GPHN: variants seen among roughly 807,000 people sequenced by gnomAD.
GPHN encodes gephyrin.
In GPHN, 17 loss-of-function variants were observed where a neutral mutation model predicts 95.5. The observed-to-expected ratio is 0.18, with a 90% CI of 0.12 to 0.27. The LOEUF is 0.27. GPHN is among the 10% of genes least tolerant of loss of function. The pLI is 1.00. For synonymous variants in GPHN, 320 were observed against 322.5 expected (o/e 0.99, Z 0.08); for missense variants, 660 against 978.1 (o/e 0.67, Z 4.34).
the GPHN span, among the ~76,000 whole-genome samples, chr14:67,526,057 T>A: frequency 6.6e-6 from 1 of 152,250 alleles, no homozygotes; most frequent in Admixed American, 6.5e-5. Flanking sequence ...GACCTGTCTG[T>A]CAGCTCTACC....
At chr14:66,955,041 A>G (rs749701784) in intron 8 of GPHN, among the ~76,000 whole-genome samples, 4 of 152,154 alleles carry the variant, frequency 2.6e-5, no homozygotes, top group East Asian at 1.9e-4. Flanking sequence ...ACTTGCATCT[A>G]TATTTATAAA....
At chr14:67,383,867 G>T in the GPHN span, 1 of 227,158 alleles carries the variant, frequency 4.4e-6, no homozygotes, top group South Asian at 5.9e-5. Flanking sequence ...TTAACTATAG[G>T]CTTCTTCCTT....
chr14:67,375,909 T>C, the GPHN span, among the ~76,000 whole-genome samples: 2 of 152,232 alleles, frequency 1.3e-5, no homozygotes, highest in Non-Finnish European at 2.9e-5. Context: ...GATGTTAAAA[T>C]GGAAGAGTTA....
the GPHN span, among the ~76,000 whole-genome samples, chr14:67,225,969 G>GCA: frequency 6.8e-6 from 1 of 147,146 alleles, no homozygotes; most frequent in Non-Finnish European, 1.5e-5. Flanking sequence ...GTGTGCGCGC[G>GCA]CGCGCGTGCG....
At chr14:67,433,853 G>T in the GPHN span, among the ~76,000 whole-genome samples, 2 of 152,180 alleles carry the variant, frequency 1.3e-5, no homozygotes, top group Non-Finnish European at 1.5e-5. Context: ...GTCTAAGTGG[G>T]TCATAAAAAG....
At chr14:67,316,632 G>A in the GPHN span, among the ~76,000 whole-genome samples, 1 of 151,872 alleles carries the variant, frequency 6.6e-6, no homozygotes, top group Non-Finnish European at 1.5e-5. Flanking sequence ...AATACATATG[G>A]GATTGATTGA....
intron 5 of GPHN, among the ~76,000 whole-genome samples, chr14:66,885,837 T>TAAA (rs1421887904): frequency 5.8e-5 from 7 of 121,492 alleles, no homozygotes; most frequent in Non-Finnish European, 9.5e-5. Context: ...TTATAACAAT[T>TAAA]TAAAAAAAAA....
At chr14:66,677,343 G>T (rs769154392) in intron 1 of GPHN, among the ~76,000 whole-genome samples, 11 of 151,942 alleles carry the variant, frequency 7.2e-5, no homozygotes, top group Non-Finnish European at 1.0e-4. Flanking sequence ...TTCTTGAGGT[G>T]CTTTGTCAGA....
the GPHN span, chr14:67,573,340 G>A: frequency 5.6e-6 from 9 of 1,613,640 alleles, no homozygotes; most frequent in South Asian, 2.2e-5. The surrounding 1 kb of genome is among the most constrained non-coding windows in gnomAD (Gnocchi z 4.8). Context: ...TGGAAGAGGC[G>A]CTGGTTTGTC....
chr14:67,365,054 G>A, the GPHN span: 3 of 1,500,894 alleles, frequency 2.0e-6, no homozygotes, highest in Non-Finnish European at 2.7e-6. Context: ...ATTTAAAATG[G>A]TTTATTTAAA....
chr14:67,368,500 A>G, the GPHN span, among the ~76,000 whole-genome samples: 6 of 152,130 alleles, frequency 3.9e-5, no homozygotes, highest in Admixed American at 2.0e-4. Context: ...TTAATAATAA[A>G]ATATATAGTT....
intron 10 of GPHN, among the ~76,000 whole-genome samples, chr14:67,045,934 A>G (rs1039538604): frequency 6.6e-6 from 1 of 152,126 alleles, no homozygotes; most frequent in African/African-American, 2.4e-5. Context: ...GATTTGATCT[A>G]CATACAGAAT....
chr14:67,141,290 T>G lies in GPHN; in HGVS notation c.1749-2072T>G, dbSNP rs569493606. Among the ~76,000 whole-genome samples the G allele has an allele frequency of 9.8e-5, 15 of 152,320 alleles. No homozygotes were observed. The East Asian group carries it at 2.5e-3, about 25-fold the overall frequency. On this transcript the variant is annotated intron_variant, in intron 17 of 22. Transcript: ENST00000478722. ...GTTGGAACCAGGCCTACCTTGCCAT[T>G]TGGACCTTTCATATTTAGCTCTGTG...
chr14:67,116,552 A>G (rs944298424), intron 16 of GPHN, among the ~76,000 whole-genome samples: 1 of 152,150 alleles, frequency 6.6e-6, no homozygotes, highest in African/African-American at 2.4e-5. Context: ...AAACTCATTC[A>G]TAATCCAAAA....
rs1432142203 is a variant in GPHN at position 66,696,411 on chromosome 14, C to T, written c.143+15226C>T. 3.9e-5 allele frequency among the ~76,000 whole-genome samples: 6 copies of T among 152,294 alleles called. No homozygotes were observed. The South Asian group carries it at 1.2e-3, about 32-fold the overall frequency. Reference sequence around the variant, plus strand: ...GGTCTATTCCTCATGCTAAGTACAACTGAAAGTCCTAAGAAATAATGTGGT... The same window carrying T: ...GGTCTATTCCTCATGCTAAGTACAATTGAAAGTCCTAAGAAATAATGTGGT... On this transcript the variant is annotated intron_variant, in intron 2 of 22. Coordinates refer to ENST00000478722, the MANE Select transcript of GPHN (RefSeq NM_020806.5).
At chr14:66,772,244 A>C (rs2059207743) in intron 2 of GPHN, among the ~76,000 whole-genome samples, 1 of 152,154 alleles carries the variant, frequency 6.6e-6, no homozygotes. Context: ...GAAATTATTT[A>C]CTTTCTCCAT....
intron 9 of GPHN, among the ~76,000 whole-genome samples, chr14:66,989,770 T>G (rs1237012432): frequency 6.6e-6 from 1 of 152,126 alleles, no homozygotes; most frequent in African/African-American, 2.4e-5. Context: ...CTCCTTACCC[T>G]TTAATTCCTA....
chr14:67,253,425 A>G, the GPHN span, among the ~76,000 whole-genome samples: 4 of 152,248 alleles, frequency 2.6e-5, no homozygotes, highest in African/African-American at 4.8e-5. Flanking sequence ...TGTCCTAAAC[A>G]GTTTACTTAT....
At chr14:67,440,799 C>A in the GPHN span, among the ~76,000 whole-genome samples, 7 of 151,828 alleles carry the variant, frequency 4.6e-5, no homozygotes, top group Non-Finnish European at 8.8e-5. Context: ...TGCCCTGATT[C>A]TATTTCACCT....
Sources: gnomAD v4.1 joint callset for allele counts (sites outside exome capture counted in the v4.1 genomes callset) on GRCh38, gnomAD v4.1.1 for gene constraint, Gnocchi (gnomAD v3.1) non-coding constraint, MANE v1.5 for transcripts, NCBI Gene and HGNC (gene_info 2026-07-23, HGNC 2026-07-21) for gene names.